WDR27: variants seen among roughly 807,000 people sequenced by gnomAD.
The protein encoded by WDR27 is WD repeat domain 27, also known as WD repeat-containing protein 27.
WDR27 carries 100 observed loss-of-function variants against 114.4 expected under a neutral mutation model. That is an observed-to-expected ratio of 0.87 (90% CI 0.74 to 1.03). The LOEUF is 1.03. Among genes scored for constraint, WDR27 ranks in the 50% least tolerant of loss-of-function variants. The probability of loss-of-function intolerance (pLI) is 0.00; values close to 1 mark genes in which losing one functional copy is unlikely to be tolerated. For missense variants in WDR27, 1,129 were observed against 1,092.9 expected (o/e 1.03, Z -0.47); for synonymous variants, 449 against 423.1 (o/e 1.06, Z -0.75).
At chr6:169,522,425 A>T (rs1794488342) in intron 25 of WDR27, among the ~76,000 whole-genome samples, 1 of 152,060 alleles carries the variant, frequency 6.6e-6, no homozygotes, top group South Asian at 2.1e-4. Flanking sequence ...CCATACAGAA[A>T]ATCAACAAAT....
intron 25 of WDR27, among the ~76,000 whole-genome samples, chr6:169,491,709 A>C (rs943351263): frequency 4.6e-5 from 7 of 152,202 alleles, no homozygotes; most frequent in African/African-American, 1.4e-4. Flanking sequence ...TGCTTCTAAA[A>C]GAGGCTAATG....
intron 17 of WDR27, among the ~76,000 whole-genome samples, chr6:169,640,429 T>C (rs1818869854): frequency 1.3e-5 from 2 of 152,008 alleles, no homozygotes; most frequent in Non-Finnish European, 2.9e-5. Flanking sequence ...AAACGTGAAA[T>C]AGCTTTGCTG....
chr6:169,643,865 CA>C, intron 16 of WDR27, 79 bp from the exon 17 acceptor site: 1 of 1,125,822 alleles, frequency 8.9e-7, no homozygotes, highest in Non-Finnish European at 1.3e-6. Flanking sequence ...GCCTAGTTCA[CA>C]GGAGTCACAC....
At chr6:169,563,092 C>T (rs1369184582) in intron 25 of WDR27, among the ~76,000 whole-genome samples, 2 of 152,286 alleles carry the variant, frequency 1.3e-5, no homozygotes, top group East Asian at 1.9e-4. Flanking sequence ...GAGGCAGCAT[C>T]GAGTGAGGAG....
chr6:169,672,973 G>A (rs527769738), intron 2 of WDR27, among the ~76,000 whole-genome samples: 11 of 152,158 alleles, frequency 7.2e-5, no homozygotes, highest in Non-Finnish European at 1.6e-4. Flanking sequence ...CTACAAGTAT[G>A]GAGCAGACGA....
At chr6:169,474,201 G>C (rs1269990529) in intron 25 of WDR27, among the ~76,000 whole-genome samples, 1 of 152,174 alleles carries the variant, frequency 6.6e-6, no homozygotes, top group Non-Finnish European at 1.5e-5. Context: ...AAGAAATATG[G>C]TGTTGCCTAG....
rs755940866 is a variant in WDR27, at chr6:169,669,007, AC to A, written c.457-823del. 3.1e-4 allele frequency among the ~76,000 whole-genome samples: 47 copies of A among 152,242 alleles called. 1 individual carries two copies. Among genetic ancestry groups the A allele is most frequent in the Non-Finnish European group, 6.5e-4 (44 of 68,042 alleles). Reference sequence around the variant, plus strand: ...CTGTGTAGGAATAGGGAGAGTTATGACACTGAGTGTTATGAAATATACATTT... The same window carrying A: ...CTGTGTAGGAATAGGGAGAGTTATGAACTGAGTGTTATGAAATATACATTT... On this transcript the variant is annotated intron_variant, in intron 4 of 25. Transcript: ENST00000448612.
intron 1 of WDR27, among the ~76,000 whole-genome samples, chr6:169,691,880 C>G (rs1466971899): frequency 6.6e-6 from 1 of 152,108 alleles, no homozygotes; most frequent in Non-Finnish European, 1.5e-5. Context: ...TGTGCATCTC[C>G]CACTAGGATG....
chr6:169,443,623 C>T, the WDR27 span, among the ~76,000 whole-genome samples: 1 of 152,164 alleles, frequency 6.6e-6, no homozygotes, highest in Non-Finnish European at 1.5e-5. Flanking sequence ...GCCAGCAATC[C>T]TGCAAGGGAC....
chr6:169,592,217 A>G (rs1367846922), intron 23 of WDR27, among the ~76,000 whole-genome samples: 2 of 152,114 alleles, frequency 1.3e-5, no homozygotes, highest in African/African-American at 2.4e-5. Flanking sequence ...GTCTAACAGT[A>G]CAGCTACAGA....
rs189864839 is a variant in WDR27, at chr6:169,626,884, C to T, written c.2223+6063G>A. On this transcript the variant is annotated intron_variant, in intron 21 of 25. Transcript: ENST00000448612. The stretch of plus-strand genomic sequence containing the variant: ...GGGCATGAGGATGCCCCGCTGTGGA[C>T]GCCAACAGCACCACTGGGCAGTGCC... 5.4e-4 allele frequency among the ~76,000 whole-genome samples: 83 copies of T among 152,326 alleles called. 1 individual carries two copies. Among genetic ancestry groups the T allele is most frequent in the Admixed American group, 1.4e-3 (22 of 15,306 alleles).
intron 25 of WDR27, among the ~76,000 whole-genome samples, chr6:169,536,830 C>T (rs1276297084): frequency 6.6e-6 from 1 of 151,976 alleles, no homozygotes; most frequent in Admixed American, 6.6e-5. Context: ...CCAGGTCTTC[C>T]CTTCCCTCTT....
intron 25 of WDR27, among the ~76,000 whole-genome samples, chr6:169,471,634 C>T (rs1351237908): frequency 6.6e-6 from 1 of 152,170 alleles, no homozygotes; most frequent in Non-Finnish European, 1.5e-5. Flanking sequence ...AGCCTCTTAA[C>T]TTATTAGAGT....
intron 21 of WDR27, among the ~76,000 whole-genome samples, chr6:169,623,370 A>T (rs1813822258): frequency 6.6e-6 from 1 of 151,802 alleles, no homozygotes; most frequent in African/African-American, 2.4e-5. Context: ...TCATAATAAA[A>T]CTCCAGTCTC....
chr6:169,622,152 T>C lies in WDR27; in HGVS notation c.2224-8496A>G, dbSNP rs116623395. ...AGGACCTGAAGGTCCCCTCCCTGAT[T>C]TGTGTCTTCCTGCCTTTGCTTCGAG... On this transcript the variant is annotated intron_variant, in intron 21 of 25. Transcript: ENST00000448612. 2.4e-3 allele frequency among the ~76,000 whole-genome samples: 367 copies of C among 152,342 alleles called. 2 individuals are homozygous for C. Among genetic ancestry groups the C allele is most frequent in the African/African-American group, 8.5e-3 (352 of 41,568 alleles).
At chr6:169,579,091 T>C (rs1052914303) in intron 24 of WDR27, among the ~76,000 whole-genome samples, 8 of 152,172 alleles carry the variant, frequency 5.3e-5, no homozygotes, top group African/African-American at 1.4e-4. Context: ...CAGACATGCT[T>C]CTGTGACATT....
intron 23 of WDR27, among the ~76,000 whole-genome samples, chr6:169,599,128 T>TCCCTCCC (rs1807422695): frequency 1.4e-5 from 2 of 145,672 alleles, no homozygotes; most frequent in Non-Finnish European, 3.0e-5. Context: ...CCTAATGCTA[T>TCCCTCCC]CCCTCCCCCC....
chr6:169,615,372 C>A (rs1811557632), intron 21 of WDR27, among the ~76,000 whole-genome samples: 1 of 152,170 alleles, frequency 6.6e-6, no homozygotes, highest in Admixed American at 6.5e-5. Flanking sequence ...TCCTCTCCCT[C>A]CTCCCACCCT....
At chr6:169,657,739 G>A (rs1824644645) in intron 13 of WDR27, 1 of 154,242 alleles carries the variant, frequency 6.5e-6, no homozygotes, top group African/African-American at 2.4e-5. Flanking sequence ...CTGCTGCTCA[G>A]AACAAACCAA....
Sources: allele counts gnomAD v4.1 joint callset (sites outside exome capture counted in the v4.1 genomes callset), GRCh38; gene constraint gnomAD v4.1.1; transcripts MANE v1.5; gene names NCBI Gene and HGNC (gene_info 2026-07-23, HGNC 2026-07-21).